KLHL1: variants seen among roughly 807,000 people sequenced by gnomAD.
KLHL1 encodes the protein kelch-like protein 1.
In KLHL1, 47 loss-of-function variants were observed where a neutral mutation model predicts 77.7. The observed-to-expected ratio is 0.60, with a 90% CI of 0.48 to 0.77. The LOEUF is 0.77. KLHL1 is among the 30% of genes least tolerant of loss of function. The pLI, the probability that KLHL1 is intolerant of heterozygous loss-of-function variation, is 0.00. For missense variants in KLHL1, 925 were observed against 910.8 expected (o/e 1.02, Z -0.20); for synonymous variants, 360 against 325.2 (o/e 1.11, Z -1.15).
At chr13:69,959,145 C>T (rs889317732) in intron 3 of KLHL1, among the ~76,000 whole-genome samples, 7 of 152,032 alleles carry the variant, frequency 4.6e-5, no homozygotes, top group Non-Finnish European at 7.4e-5. Context: ...CCTGTCCGCC[C>T]TCTACAAGCA....
At chr13:69,735,505 G>T (rs1873727464) in intron 8 of KLHL1, among the ~76,000 whole-genome samples, 1 of 149,218 alleles carries the variant, frequency 6.7e-6, no homozygotes. Context: ...TAGTTAAATG[G>T]TTATATATAA....
intron 8 of KLHL1, among the ~76,000 whole-genome samples, chr13:69,740,108 A>C (rs1026095329): frequency 6.6e-6 from 1 of 152,178 alleles, no homozygotes; most frequent in African/African-American, 2.4e-5. Context: ...TTGAACACCA[A>C]ACTTTTAGTA....
intron 8 of KLHL1, among the ~76,000 whole-genome samples, chr13:69,731,100 A>G (rs953005365): frequency 1.5e-4 from 23 of 152,136 alleles, no homozygotes; most frequent in Admixed American, 4.6e-4. Context: ...AAATGTATAT[A>G]TTTACATGTT....
intron 1 of KLHL1, among the ~76,000 whole-genome samples, chr13:69,989,278 C>T (rs576317346): frequency 1.3e-5 from 2 of 151,866 alleles, no homozygotes; most frequent in East Asian, 3.9e-4. Context: ...AGGTATGTGG[C>T]TTTATTTCAT....
intron 1 of KLHL1, among the ~76,000 whole-genome samples, chr13:69,993,387 T>C (rs1885073337): frequency 2.0e-5 from 3 of 152,068 alleles, no homozygotes; most frequent in Non-Finnish European, 2.9e-5. Flanking sequence ...CTGTACAGCC[T>C]GCATTCCATG....
intron 7 of KLHL1, among the ~76,000 whole-genome samples, chr13:69,768,347 A>C (rs925480775): frequency 6.6e-6 from 1 of 152,314 alleles, no homozygotes; most frequent in African/African-American, 2.4e-5. Context: ...CATTACACAA[A>C]GCTTCTACAG....
At chr13:70,096,736 A>G (rs1169529128) in intron 1 of KLHL1, among the ~76,000 whole-genome samples, 1 of 151,810 alleles carries the variant, frequency 6.6e-6, no homozygotes, top group African/African-American at 2.4e-5. Flanking sequence ...CAGAAGTAAT[A>G]TCCCTTAAAA....
intron 3 of KLHL1, among the ~76,000 whole-genome samples, chr13:69,945,364 C>T (rs938928191): frequency 1.9e-4 from 28 of 151,108 alleles, no homozygotes; most frequent in South Asian, 4.2e-4. Context: ...AATGGAGAAA[C>T]TAGACTTCAT....
chr13:69,953,435 A>T (rs1405646034), intron 3 of KLHL1, among the ~76,000 whole-genome samples: 2 of 151,082 alleles, frequency 1.3e-5, no homozygotes, highest in African/African-American at 4.8e-5. Context: ...ATGTTGAATA[A>T]CTCTAGATCT....
At chr13:69,765,175 C>A (rs1875235387) in intron 7 of KLHL1, among the ~76,000 whole-genome samples, 2 of 151,754 alleles carry the variant, frequency 1.3e-5, no homozygotes, top group Non-Finnish European at 2.9e-5. Flanking sequence ...TGGTCTTGAA[C>A]TCCTGGTCTC....
intron 1 of KLHL1, among the ~76,000 whole-genome samples, chr13:70,044,216 A>G (rs1219228274): frequency 6.6e-6 from 1 of 152,060 alleles, no homozygotes; most frequent in African/African-American, 2.4e-5. Flanking sequence ...AGAACTCTAC[A>G]TTTGCTCCCA....
rs1422456158 is a variant in KLHL1, at chr13:70,047,940, G to A, written c.497+59263C>T. On this transcript the variant is annotated intron_variant, in intron 1 of 10. Transcript: ENST00000377844. ...TGGATATGACATTTAGTATCTCTGAGCCTGAGTCCCTTAGAACAAGACAGA... is the reference window on the plus strand; with the variant it reads ...TGGATATGACATTTAGTATCTCTGAACCTGAGTCCCTTAGAACAAGACAGA... 3.9e-5 allele frequency among the ~76,000 whole-genome samples: 6 copies of A among 152,212 alleles called. No homozygotes were observed. In the South Asian group the frequency reaches 1.0e-3, roughly 26 times the overall value.
chr13:69,875,418 TAGTGGAACCCCTTTGGCAAG>T, intron 5 of KLHL1, among the ~76,000 whole-genome samples: 1 of 152,208 alleles, frequency 6.6e-6, no homozygotes, highest in Non-Finnish European at 1.5e-5. Context: ...CTCATTGCAG[TAGTGGAACCCCTTTGGCAAG>T]AAAGATGGGA....
chr13:69,804,160 A>C (rs539094555), intron 6 of KLHL1, among the ~76,000 whole-genome samples: 2 of 152,366 alleles, frequency 1.3e-5, no homozygotes, highest in Admixed American at 1.3e-4. Flanking sequence ...TAATACAAAT[A>C]CAAAACTACT....
intron 4 of KLHL1, 33 bp from the exon 5 acceptor site, chr13:69,882,528 G>T (rs754060846): frequency 1.3e-6 from 2 of 1,484,822 alleles, no homozygotes; most frequent in Non-Finnish European, 1.9e-6. Context: ...CATAAATTCT[G>T]TTTCACTTTT....
chr13:69,810,611 G>A (rs952277780), intron 6 of KLHL1, among the ~76,000 whole-genome samples: 4 of 151,656 alleles, frequency 2.6e-5, no homozygotes, highest in African/African-American at 9.7e-5. Flanking sequence ...CAACCTAACC[G>A]AACATCCAAA....
intron 1 of KLHL1, among the ~76,000 whole-genome samples, chr13:70,105,667 A>T (rs191742201): frequency 1.3e-3 from 191 of 151,428 alleles, no homozygotes; most frequent in Non-Finnish European, 2.3e-3. Context: ...TTTACTCAAC[A>T]AAAGGGTATA....
chr13:69,890,147 A>G (rs1881372259), intron 4 of KLHL1, among the ~76,000 whole-genome samples: 1 of 152,066 alleles, frequency 6.6e-6, no homozygotes, highest in South Asian at 2.1e-4. Context: ...TTATAATAAG[A>G]AGAAAAATTT....
Position 70,015,962 on chromosome 13 carries a change from C to A in KLHL1, c.498-40160G>T, listed in dbSNP as rs868020895. ...TTGACTACATTTCTATGGGGTAGAC[C>A]CTTAAGTTTTAAATTATTTTATTTA... On this transcript the variant is annotated intron_variant, in intron 1 of 10. Coordinates refer to ENST00000377844, the MANE Select transcript of KLHL1 (RefSeq NM_020866.3). 2.0e-5 allele frequency among the ~76,000 whole-genome samples: 3 copies of A among 152,032 alleles called. No homozygotes were observed. The Middle Eastern group carries it at 0.01, about 517-fold the overall frequency.
Sources: allele counts gnomAD v4.1 joint callset (sites outside exome capture counted in the v4.1 genomes callset), GRCh38; gene constraint gnomAD v4.1.1; transcripts MANE v1.5; gene names NCBI Gene and HGNC (gene_info 2026-07-23, HGNC 2026-07-21).